The following TSC2 variants were observed in gnomAD, a reference collection of about 807,000 sequenced individuals.
TSC2 encodes the protein TSC complex subunit 2.
Under a neutral mutation model 202.2 loss-of-function variants are expected in TSC2, and 29 were observed. The observed-to-expected ratio is 0.14, with a 90% CI of 0.11 to 0.20. TSC2 has a LOEUF of 0.20. Ranked by LOEUF, TSC2 falls within the 10% of genes least tolerant of loss-of-function variation. TSC2 has a pLI of 1.00. For synonymous variants in TSC2, 1,349 were observed against 1,044.0 expected (o/e 1.29, Z -5.63); for missense variants, 2,429 against 2,420.0 (o/e 1.00, Z -0.08).
rs1208666316 is a variant in TSC2 at position 2,079,486 on chromosome 16, C to G, written c.3284+58C>G. The G allele has an allele frequency of 3.1e-6, 5 of 1,609,840 alleles. No individual in the cohort carries two copies. Among genetic ancestry groups the G allele is most frequent in the South Asian group, 1.1e-5 (1 of 90,736 alleles). On this transcript the variant is annotated intron_variant, in intron 28 of 41. Coordinates refer to ENST00000219476, the MANE Select transcript of TSC2 (RefSeq NM_000548.5). This position sits in a 1 kb window ranked among gnomAD's most constrained non-coding sequence, Gnocchi z 4.6. ...AGCCTCGACACCGGCTGTCCCGAGC[C>G]CAGGCCCACGTGGCACCCTCGTACC... is the stretch of plus-strand genomic sequence containing the variant.
In TSC2 at chr16:2,088,881, G is replaced by A. The variant is rs2855370; in HGVS notation, c.*271G>A. The stretch of plus-strand genomic sequence containing the variant: ...ACAGCACACTCGCGCGTGCGCGCGC[G>A]CACACACACACACACACAGTCACCT... On this transcript the variant is annotated 3_prime_UTR_variant, in exon 42 of 42. Coordinates refer to ENST00000219476, the MANE Select transcript of TSC2 (RefSeq NM_000548.5). 2.2e-3 allele frequency: 912 copies of A among 421,208 alleles called. 7 individuals are homozygous for A. The highest frequency in any genetic ancestry group is 0.012 in the African/African-American group (556 of 44,668). 26.1% of individuals were successfully genotyped at this position (421,208 alleles called of 1,614,324 possible).
rs1304506738 is a variant in TSC2, at chr16:2,082,351, G to A, written c.3815-85G>A. The A allele has an allele frequency of 9.3e-6, 14 of 1,507,190 alleles. No individual in the cohort carries two copies. The Admixed American group carries it at 1.5e-4, about 16-fold the overall frequency. The allele number at this position is 1,507,190 out of a possible 1,614,324, so 93.4% of individuals were successfully genotyped here. A position where few individuals can be genotyped will look rare whatever the true frequency, so the allele number is the denominator to read the frequency against. On this transcript the variant is annotated intron_variant, in intron 31 of 41. Coordinates refer to ENST00000219476, the MANE Select transcript of TSC2 (RefSeq NM_000548.5). ...CCGCTGGCCCTGCCCTCTCTCCTCT[G>A]CAGGCACGGGGCCTGTGCTCTCTGC...
At chr16:2,074,724 CTG>C (rs2089022531) in intron 22 of TSC2, 2 of 416,546 alleles carry the variant, frequency 4.8e-6, no homozygotes, top group Non-Finnish European at 9.1e-6. Flanking sequence ...TTCCCCCAGA[CTG>C]TGACTTCAGG....
chr16:2,072,398 C>T (rs1358377844), intron 20 of TSC2, 35 bp downstream of exon 20: 1 of 1,612,260 alleles, frequency 6.2e-7, no homozygotes, highest in Admixed American at 1.7e-5. Flanking sequence ...GGTGGGGGAC[C>T]CAGTAGGGTT....
rs541025517 is a variant in TSC2, at chr16:2,081,460, C to T, written c.3611-135C>T. 98 of 1,182,302 alleles carry T rather than the reference C, an allele frequency of 8.3e-5. No homozygotes were observed. In the East Asian group the frequency reaches 1.2e-3, roughly 14 times the overall value. The allele number at this position is 1,182,302 out of a possible 1,614,324, so 73.2% of individuals were successfully genotyped here. ...GTGGCCGTCAGAGCAGCGCTGGCTC[C>T]GACATCGTGGTCCTGAGGATTGTGG... is the stretch of plus-strand genomic sequence containing the variant. On this transcript the variant is annotated intron_variant, in intron 30 of 41. Coordinates refer to ENST00000219476, the MANE Select transcript of TSC2 (RefSeq NM_000548.5).
chr16:2,056,097 C>T, intron 6 of TSC2, 99 bp from the exon 7 acceptor site: 1 of 1,503,704 alleles, frequency 6.7e-7, no homozygotes, highest in Non-Finnish European at 9.2e-7. Context: ...GAGGATGAGC[C>T]ATGCGTGTTA....
At chr16:2,086,167 A>G (rs1010884240) in intron 36 of TSC2, 26 bp from the exon 37 acceptor site, 1 of 1,611,456 alleles carries the variant, frequency 6.2e-7, no homozygotes, top group African/African-American at 1.3e-5. Flanking sequence ...GAGTGATGCC[A>G]CCCTGCCTCT....
At chr16:2,067,618 A>G (rs1224628798) in intron 16 of TSC2, among the ~76,000 whole-genome samples, 1 of 152,048 alleles carries the variant, frequency 6.6e-6, no homozygotes. Flanking sequence ...TAAAAATACA[A>G]AATTAGCCGG....
intron 25 of TSC2, 39 bp from the exon 26 acceptor site, chr16:2,077,559 G>A: frequency 6.2e-7 from 1 of 1,611,772 alleles, no homozygotes; most frequent in South Asian, 1.1e-5. Flanking sequence ...CCGGGAGCTG[G>A]GCTCTCTGGG....
rs993595235 is a variant in TSC2, at chr16:2,084,936, C to G, written c.4494-15C>G. On this transcript the variant is annotated splice_polypyrimidine_tract_variant and intron_variant, in intron 34 of 41. Coordinates refer to ENST00000219476, the MANE Select transcript of TSC2 (RefSeq NM_000548.5). ...AGGCCCTCACCTGGGTGCCCACCATCCCCTCCCTGTGCAGTTTCGTGTTCC... is the reference window on the plus strand; with the variant it reads ...AGGCCCTCACCTGGGTGCCCACCATGCCCTCCCTGTGCAGTTTCGTGTTCC... 6.2e-7 allele frequency: 1 copy of G among 1,613,206 alleles called. No homozygotes were observed. The highest frequency in any genetic ancestry group is 8.5e-7 in the Non-Finnish European group (1 of 1,179,954).
In TSC2 at chr16:2,064,422, G is replaced by A. The variant is rs149222396; in HGVS notation, c.1594G>A (p.Glu532Lys). 17 of 1,613,426 alleles carry A rather than the reference G, an allele frequency of 1.1e-5. No homozygotes were observed. Among genetic ancestry groups the A allele is most frequent in the South Asian group, 2.2e-5 (2 of 91,060 alleles). Residue 532 changes from glutamate to lysine, a missense_variant, in exon 15 of 42, where the codon GAG (glutamate) becomes AAG (lysine). Glu to Lys is a moderately conservative substitution (Grantham distance 56). Coordinates refer to ENST00000219476, the MANE Select transcript of TSC2 (RefSeq NM_000548.5). Reference protein sequence around the residue: ...HHFNSLLDIIEKVMARSLSPP... With the variant: ...HHFNSLLDIIKKVMARSLSPP... ...CTTCAACAGCCTGCTGGACATCATC[G>A]AGAAGGTGAGAGCCGTTGTACCCGG...
rs190319497 is a variant in TSC2 at position 2,061,260 on chromosome 16, A to G, written c.1119+447A>G. 3 of 302,186 alleles carry G rather than the reference A, an allele frequency of 9.9e-6. No homozygotes were observed. The East Asian group carries it at 2.5e-4, about 26-fold the overall frequency. 18.7% of individuals were successfully genotyped at this position (302,186 alleles called of 1,614,324 possible). On this transcript the variant is annotated intron_variant, in intron 11 of 41. Coordinates refer to ENST00000219476, the MANE Select transcript of TSC2 (RefSeq NM_000548.5). ...ATAGGGGCCCTGGGGAGGCGAGGCT[A>G]GTATCCAGCAGCCTCAGGGCTGTGC...
At position 2,079,336 on chromosome 16, in the gene TSC2, C is replaced by A. The variant is rs201670791; in HGVS notation, c.3192C>A (p.Asn1064Lys). 13 of 1,613,026 alleles carry A rather than the reference C, an allele frequency of 8.1e-6. No homozygotes were observed. The African/African-American group carries it at 1.3e-4, about 17-fold the overall frequency. The change falls in exon 28 of 42, where the codon AAC (asparagine) becomes AAA (lysine). Residue 1064 changes from asparagine to lysine, a missense_variant. Asn to Lys is a moderately conservative substitution (Grantham distance 94). Transcript: ENST00000219476. The surrounding 1 kb of genome is among the most constrained non-coding windows in gnomAD (Gnocchi z 4.6). ...GGACCAAAACCTGGCTGGTTGGGAACAAGCTTGTCACTGTGACGACAAGCG... is the reference window on the plus strand; with the variant it reads ...GGACCAAAACCTGGCTGGTTGGGAAAAAGCTTGTCACTGTGACGACAAGCG... ...GGRTKTWLVG[N>K]KLVTVTTSVG...
At chr16:2,069,088 C>A (rs751285250) in intron 16 of TSC2, among the ~76,000 whole-genome samples, 1 of 151,896 alleles carries the variant, frequency 6.6e-6, no homozygotes, top group African/African-American at 2.4e-5. Context: ...TCGTGCTGTT[C>A]GAGGGTCAGA....
chr16:2,084,661 T>C lies in TSC2; in HGVS notation c.4439T>C (p.Leu1480Ser). Residue 1480 changes from leucine to serine, a missense_variant, in exon 34 of 42, where the codon TTA becomes TCA. Transcript: ENST00000219476. ...RRGKRVERDA[L>S]KSRATASNAE... ...GGCAAGAGAGTAGAGAGGGACGCCT[T>C]AAAGAGCAGAGCCACAGCCTCCAAT... 1 of 1,598,920 alleles carries C rather than the reference T, an allele frequency of 6.3e-7. No homozygotes were observed. The highest frequency in any genetic ancestry group is 8.5e-7 in the Non-Finnish European group (1 of 1,179,838).
intron 16 of TSC2, among the ~76,000 whole-genome samples, chr16:2,065,861 T>C (rs2087280483): frequency 6.6e-6 from 1 of 152,192 alleles, no homozygotes; most frequent in African/African-American, 2.4e-5. Flanking sequence ...GTCTCTGTGC[T>C]CCTGAGTCAG....
chr16:2,063,881 G>C, intron 14 of TSC2: 1 of 362,370 alleles, frequency 2.8e-6, no homozygotes. Flanking sequence ...CGCATGCACA[G>C]GCACACACGT....
intron 26 of TSC2, 140 bp from the exon 27 acceptor site, chr16:2,078,892 C>T (rs1007496073): frequency 1.8e-5 from 20 of 1,105,282 alleles, no homozygotes; most frequent in Middle Eastern, 2.6e-4. Context: ...AGCTGAGGCT[C>T]GCTGGGCCGC....
At position 2,075,883 on chromosome 16, in the gene TSC2, A is replaced by G. The variant is rs1567482364; in HGVS notation, c.2630A>G (p.Asn877Ser). 1 of 1,612,898 alleles carries G rather than the reference A, an allele frequency of 6.2e-7. No individual in the cohort carries two copies. The highest frequency in any genetic ancestry group is 8.5e-7 in the Non-Finnish European group (1 of 1,179,936). ...TTCGCCATCTCCCTGCCGTACACCAACCCCTCCAAGTGAGTGGTCGCCCCA... is the reference window on the plus strand; with the variant it reads ...TTCGCCATCTCCCTGCCGTACACCAGCCCCTCCAAGTGAGTGGTCGCCCCA... ...SVFAISLPYT[N>S]PSKFNQYIVC... The change falls in exon 23 of 42, where the codon AAC (asparagine) becomes AGC (serine). Residue 877 changes from asparagine to serine, a missense_variant. Transcript: ENST00000219476.
Sources: allele counts gnomAD v4.1 joint callset (sites outside exome capture counted in the v4.1 genomes callset), GRCh38; gene constraint gnomAD v4.1.1; non-coding constraint Gnocchi (gnomAD v3.1); transcripts MANE v1.5; gene names NCBI Gene and HGNC (gene_info 2026-07-23, HGNC 2026-07-21).